The following PPM1E variants were observed in gnomAD, a reference collection of about 807,000 sequenced individuals.
PPM1E encodes protein phosphatase 1E.
In PPM1E, 20 loss-of-function variants were observed where a neutral mutation model predicts 65.9. The ratio of observed to expected loss-of-function variants is 0.30; its 90% CI spans 0.21 to 0.44. PPM1E has a LOEUF of 0.44. PPM1E is among the 20% of genes least tolerant of loss of function. The probability of loss-of-function intolerance (pLI) is 1.00; values close to 1 mark genes in which losing one functional copy is unlikely to be tolerated. For synonymous variants in PPM1E, 352 were observed against 374.9 expected (o/e 0.94, Z 0.70); for missense variants, 713 against 953.1 (o/e 0.75, Z 3.32).
chr17:58,851,721 C>CCA (rs2050828051), intron 1 of PPM1E, among the ~76,000 whole-genome samples: 1 of 152,188 alleles, frequency 6.6e-6, no homozygotes, highest in Non-Finnish European at 1.5e-5. Flanking sequence ...TAGGCTACTC[C>CCA]TGGGTCAGGG....
chr17:58,781,225 C>T (rs2050046969), intron 1 of PPM1E, among the ~76,000 whole-genome samples: 1 of 150,860 alleles, frequency 6.6e-6, no homozygotes, highest in African/African-American at 2.4e-5. Flanking sequence ...ACTGCAACCT[C>T]CACCTCCTGG....
intron 1 of PPM1E, among the ~76,000 whole-genome samples, chr17:58,923,415 C>A (rs927122256): frequency 4.0e-5 from 6 of 151,834 alleles, no homozygotes; most frequent in Admixed American, 3.9e-4. Flanking sequence ...GAGTTTGAGA[C>A]CAACCTAGGC....
chr17:58,830,229 T>C (rs1010979779), intron 1 of PPM1E, among the ~76,000 whole-genome samples: 1 of 152,048 alleles, frequency 6.6e-6, no homozygotes, highest in Non-Finnish European at 1.5e-5. Context: ...AAAATTGTTT[T>C]CCCACAGAAT....
chr17:58,928,584 G>T (rs1014731453), intron 1 of PPM1E, among the ~76,000 whole-genome samples: 1 of 151,882 alleles, frequency 6.6e-6, no homozygotes, highest in African/African-American at 2.4e-5. Flanking sequence ...TTTGGAAAAA[G>T]GGCTGGCTGT....
chr17:58,868,471 T>C (rs1170915599), intron 1 of PPM1E, among the ~76,000 whole-genome samples: 2 of 152,190 alleles, frequency 1.3e-5, no homozygotes, highest in Non-Finnish European at 2.9e-5. Flanking sequence ...AAGTTCCCTC[T>C]TTTGATTTCC....
At chr17:58,960,337 T>C (rs1356974033) in intron 2 of PPM1E, among the ~76,000 whole-genome samples, 1 of 152,206 alleles carries the variant, frequency 6.6e-6, no homozygotes, top group Non-Finnish European at 1.5e-5. Context: ...ACTTGGATGG[T>C]TTCCCATTCC....
intron 1 of PPM1E, among the ~76,000 whole-genome samples, chr17:58,825,964 AT>A (rs932453591): frequency 5.3e-5 from 8 of 151,034 alleles, no homozygotes; most frequent in Admixed American, 1.3e-4. Flanking sequence ...GGTTCCTGAC[AT>A]TTTTTTTTAA....
chr17:58,777,367 A>G (rs1306604445), intron 1 of PPM1E, among the ~76,000 whole-genome samples: 1 of 152,236 alleles, frequency 6.6e-6, no homozygotes, highest in Non-Finnish European at 1.5e-5. Flanking sequence ...CTCAAAGGAA[A>G]AAGGATCACT....
chr17:58,839,440 C>T (rs1283589491), intron 1 of PPM1E, among the ~76,000 whole-genome samples: 1 of 152,136 alleles, frequency 6.6e-6, no homozygotes, highest in African/African-American at 2.4e-5. Context: ...GAAACAACCT[C>T]ACCGAAGGGA....
At chr17:58,798,176 G>T (rs893272448) in intron 1 of PPM1E, among the ~76,000 whole-genome samples, 3 of 149,470 alleles carry the variant, frequency 2.0e-5, no homozygotes, top group Non-Finnish European at 3.0e-5. Context: ...ATCAGTCATT[G>T]TTGGATATGT....
chr17:58,948,090 C>T (rs1168801840), intron 1 of PPM1E, among the ~76,000 whole-genome samples: 1 of 152,058 alleles, frequency 6.6e-6, no homozygotes, highest in Non-Finnish European at 1.5e-5. Flanking sequence ...GCCACGTGGC[C>T]TTTTATGAAC....
intron 1 of PPM1E, among the ~76,000 whole-genome samples, chr17:58,935,825 TTTATTA>T (rs952121679): frequency 6.6e-6 from 1 of 152,004 alleles, no homozygotes; most frequent in Non-Finnish European, 1.5e-5. Context: ...TTTTTTAAAT[TTTATTA>T]TTATTATACT....
In PPM1E at chr17:58,979,993, A is replaced by G; in HGVS notation, c.1230A>G (p.Pro410=). 6.2e-7 allele frequency: 1 copy of G among 1,613,768 alleles called. No homozygotes were observed. The highest frequency in any genetic ancestry group is 8.5e-7 in the Non-Finnish European group (1 of 1,179,772). Residue 410 remains proline, a synonymous_variant, in exon 7 of 7, where the codon CCA becomes CCG. Transcript: ENST00000308249. ...SRAIGDAEHK[P]YICGDADSAS... ...CCGCAGGAGATGCTGAACATAAGCC[A>G]TATATCTGTGGGGATGCAGATTCTG...
At chr17:58,821,091 TTTTG>T (rs564976079) in intron 1 of PPM1E, among the ~76,000 whole-genome samples, 29 of 152,046 alleles carry the variant, frequency 1.9e-4, no homozygotes, top group East Asian at 5.8e-4. Flanking sequence ...AGCTTTGTAT[TTTTG>T]TTTGTTTGTT....
chr17:58,862,802 A>G (rs1288865538), intron 1 of PPM1E, among the ~76,000 whole-genome samples: 1 of 152,156 alleles, frequency 6.6e-6, no homozygotes, highest in Non-Finnish European at 1.5e-5. Flanking sequence ...CAGAAAGTTG[A>G]CTGTAATTTG....
At chr17:58,832,181 A>G (rs1232559966) in intron 1 of PPM1E, among the ~76,000 whole-genome samples, 1 of 152,098 alleles carries the variant, frequency 6.6e-6, no homozygotes, top group Non-Finnish European at 1.5e-5. Flanking sequence ...CGTAGAGATA[A>G]CCTAGTTTCT....
chr17:58,916,148 T>C (rs2051680642), intron 1 of PPM1E, among the ~76,000 whole-genome samples: 1 of 152,208 alleles, frequency 6.6e-6, no homozygotes, highest in Non-Finnish European at 1.5e-5. Flanking sequence ...TTTAAATAGA[T>C]TTTAAAGGCC....
chr17:58,983,383 C>CTGAT lies in PPM1E; in HGVS notation c.*2353_*2356dup, dbSNP rs1297755385. ...ACATACTAAAATAGTGGTTATTGGTCTGATATATGCTGCTCTTGGTTCTAT... is the reference window on the plus strand; with the variant it reads ...ACATACTAAAATAGTGGTTATTGGTCTGATTGATATATGCTGCTCTTGGTTCTAT... On this transcript the variant is annotated 3_prime_UTR_variant, in exon 7 of 7. Coordinates refer to ENST00000308249, the MANE Select transcript of PPM1E (RefSeq NM_014906.5). 6.5e-6 allele frequency: 1 copy of CTGAT among 154,012 alleles called. No homozygotes were observed. The highest frequency in any genetic ancestry group is 2.4e-5 in the African/African-American group (1 of 41,404). 9.5% of individuals were successfully genotyped at this position (154,012 alleles called of 1,614,324 possible).
intron 1 of PPM1E, among the ~76,000 whole-genome samples, chr17:58,859,165 T>C (rs1329844583): frequency 6.6e-6 from 1 of 152,184 alleles, no homozygotes; most frequent in Non-Finnish European, 1.5e-5. Context: ...ACCTATGTTA[T>C]GGCAATTTGA....
Sources: gnomAD v4.1 joint callset for allele counts (sites outside exome capture counted in the v4.1 genomes callset) on GRCh38, gnomAD v4.1.1 for gene constraint, MANE v1.5 for transcripts, NCBI Gene and HGNC (gene_info 2026-07-23, HGNC 2026-07-21) for gene names.